The following NXPH1 variants were observed in gnomAD, a reference collection of about 807,000 sequenced individuals.
The protein encoded by NXPH1 is neurexophilin-1.
In NXPH1, 5 loss-of-function variants were observed where a neutral mutation model predicts 23.7. The ratio of observed to expected loss-of-function variants is 0.21; its 90% CI spans 0.11 to 0.44. The LOEUF is 0.44. NXPH1 is among the 20% of genes least tolerant of loss of function. NXPH1 has a pLI of 0.99. For missense variants in NXPH1, 324 were observed against 321.6 expected (o/e 1.01, Z -0.06); for synonymous variants, 144 against 122.2 (o/e 1.18, Z -1.18).
chr7:8,667,786 C>A (rs1158932665), intron 2 of NXPH1, among the ~76,000 whole-genome samples: 1 of 152,024 alleles, frequency 6.6e-6, no homozygotes. Flanking sequence ...CTCTTTGTCT[C>A]TCTCTTCTTC....
chr7:8,450,494 T>C (rs1167281860), intron 2 of NXPH1, among the ~76,000 whole-genome samples: 1 of 152,242 alleles, frequency 6.6e-6, no homozygotes, highest in Non-Finnish European at 1.5e-5. Flanking sequence ...TTGACAATAT[T>C]TTATAGAATT....
chr7:8,656,409 C>A (rs1202979220), intron 2 of NXPH1, among the ~76,000 whole-genome samples: 3 of 151,780 alleles, frequency 2.0e-5, no homozygotes, highest in African/African-American at 7.3e-5. Flanking sequence ...AGACTGGGAG[C>A]AAGGTGTTGT....
At chr7:8,505,507 C>G (rs1353804205) in intron 2 of NXPH1, among the ~76,000 whole-genome samples, 1 of 152,052 alleles carries the variant, frequency 6.6e-6, no homozygotes, top group Admixed American at 6.6e-5. Context: ...CTGAGCCACT[C>G]AGCAGGGGTT....
At position 8,641,810 on chromosome 7, in the gene NXPH1, C is replaced by A. The variant is rs530246915; in HGVS notation, c.55-109198C>A. Among the ~76,000 whole-genome samples, 17 of 152,196 alleles carry A rather than the reference C, an allele frequency of 1.1e-4. No individual in the cohort carries two copies. In the East Asian group the frequency reaches 1.2e-3, roughly 10 times the overall value. ...TAATTTAGTTTTCATTCTTATACAA[C>A]CTTTTTGTCCTTATTTGAGTTAATA... On this transcript the variant is annotated intron_variant, in intron 2 of 2. Transcript: ENST00000405863.
chr7:8,516,805 G>A (rs896225210), intron 2 of NXPH1, among the ~76,000 whole-genome samples: 4 of 152,030 alleles, frequency 2.6e-5, no homozygotes, highest in African/African-American at 4.8e-5. Context: ...TTGCAAAGCT[G>A]TTTATTAACA....
At chr7:8,438,220 G>T (rs977843441) in intron 2 of NXPH1, among the ~76,000 whole-genome samples, 1 of 152,202 alleles carries the variant, frequency 6.6e-6, no homozygotes, top group Non-Finnish European at 1.5e-5. Flanking sequence ...AACCGATCAA[G>T]AAGTGATCAA....
intron 2 of NXPH1, among the ~76,000 whole-genome samples, chr7:8,557,036 C>T (rs1339386494): frequency 6.6e-6 from 1 of 151,748 alleles, no homozygotes; most frequent in South Asian, 2.1e-4. Context: ...ATAACACATA[C>T]GCTTAACTCT....
intron 2 of NXPH1, among the ~76,000 whole-genome samples, chr7:8,739,440 C>A (rs1780323668): frequency 6.6e-6 from 1 of 152,038 alleles, no homozygotes; most frequent in South Asian, 2.1e-4. Context: ...TGAGGCAACA[C>A]CCCACCCTGC....
chr7:8,508,237 G>A (rs1817561691), intron 2 of NXPH1, among the ~76,000 whole-genome samples: 1 of 152,024 alleles, frequency 6.6e-6, no homozygotes, highest in Admixed American at 6.6e-5. Flanking sequence ...ATATTTATAG[G>A]TATATTTCAA....
chr7:8,746,315 A>G (rs1780469460), intron 2 of NXPH1, among the ~76,000 whole-genome samples: 1 of 152,218 alleles, frequency 6.6e-6, no homozygotes, highest in African/African-American at 2.4e-5. Context: ...GAATAAGAAT[A>G]TTTAAGACAG....
intron 2 of NXPH1, among the ~76,000 whole-genome samples, chr7:8,719,153 A>G (rs1305523165): frequency 3.9e-5 from 6 of 152,212 alleles, no homozygotes; most frequent in East Asian, 1.9e-4. Flanking sequence ...TTAATTATTC[A>G]TTTGGCAGAT....
rs183424022 is a variant in NXPH1, at chr7:8,595,470, G to T, written c.55-155538G>T. On this transcript the variant is annotated intron_variant, in intron 2 of 2. Transcript: ENST00000405863. ...TGGAAATTATTTGGTAAAATATATTGTAAACATATATATATAGTAATTTCA... is the reference window on the plus strand; with the variant it reads ...TGGAAATTATTTGGTAAAATATATTTTAAACATATATATATAGTAATTTCA... Among the ~76,000 whole-genome samples, 1,325 of 152,048 alleles carry T rather than the reference G, an allele frequency of 8.7e-3. 10 individuals are homozygous for T. Among genetic ancestry groups the T allele is most frequent in the Non-Finnish European group, 0.012 (847 of 67,964 alleles).
At chr7:8,730,637 A>G (rs1026412351) in intron 2 of NXPH1, among the ~76,000 whole-genome samples, 4 of 152,136 alleles carry the variant, frequency 2.6e-5, no homozygotes, top group African/African-American at 9.7e-5. Flanking sequence ...TGGGTTGACA[A>G]TTCTTTTCTT....
chr7:8,441,746 C>G (rs180686225), intron 2 of NXPH1, among the ~76,000 whole-genome samples: 6,174 of 152,296 alleles, frequency 0.041, 159 homozygotes, highest in Non-Finnish European at 0.062. Flanking sequence ...AACCCCTCCG[C>G]GCGCCCAAGA....
rs1393724049 is a variant in NXPH1 at position 8,577,245 on chromosome 7, T to C, written c.54+141478T>C. ...CTAATCCTCTTATCGTTTCTTTTAA[T>C]ATAAGTGATAAAGTTTATTTATCTA... is the stretch of plus-strand genomic sequence containing the variant. On this transcript the variant is annotated intron_variant, in intron 2 of 2. Transcript: ENST00000405863. Among the ~76,000 whole-genome samples the C allele has an allele frequency of 3.3e-5, 5 of 152,290 alleles. No homozygotes were observed. In the South Asian group the frequency reaches 1.0e-3, roughly 32 times the overall value.
chr7:8,705,371 T>C (rs948980496), intron 2 of NXPH1, among the ~76,000 whole-genome samples: 1 of 152,084 alleles, frequency 6.6e-6, no homozygotes, highest in Non-Finnish European at 1.5e-5. Flanking sequence ...AAGTGAAAGT[T>C]TTTCTGGCAG....
intron 2 of NXPH1, among the ~76,000 whole-genome samples, chr7:8,518,208 T>C (rs898084232): frequency 1.3e-5 from 2 of 152,260 alleles, no homozygotes; most frequent in South Asian, 2.1e-4. Context: ...CCCAGACTTA[T>C]TTTCTTCCAT....
intron 2 of NXPH1, among the ~76,000 whole-genome samples, chr7:8,511,327 G>A (rs1219600893): frequency 6.6e-6 from 1 of 152,006 alleles, no homozygotes; most frequent in Non-Finnish European, 1.5e-5. Flanking sequence ...CAACTCTTGG[G>A]ACAGAGGCTG....
chr7:8,728,624 TATA>T (rs1286498140), intron 2 of NXPH1, among the ~76,000 whole-genome samples: 3 of 151,838 alleles, frequency 2.0e-5, no homozygotes, highest in Non-Finnish European at 4.4e-5. Context: ...TGGCTCTGTT[TATA>T]TGCTGGATTA....
Sources: gnomAD v4.1 joint callset for allele counts (sites outside exome capture counted in the v4.1 genomes callset) on GRCh38, gnomAD v4.1.1 for gene constraint, MANE v1.5 for transcripts, NCBI Gene and HGNC (gene_info 2026-07-23, HGNC 2026-07-21) for gene names.